Variants in CTBP2 observed in about 807,000 individuals in gnomAD.
The protein encoded by CTBP2 is C-terminal binding protein 2.
In CTBP2, 30 loss-of-function variants were observed where a neutral mutation model predicts 80.3. That is an observed-to-expected ratio of 0.37 (90% CI 0.28 to 0.51). The LOEUF (loss-of-function observed/expected upper bound fraction) is 0.51. CTBP2 is among the 20% of genes least tolerant of loss of function. The pLI is 0.93. For synonymous variants in CTBP2, 594 were observed against 587.4 expected (o/e 1.01, Z -0.16); for missense variants, 1,212 against 1,375.3 (o/e 0.88, Z 1.88).
intron 2 of CTBP2, among the ~76,000 whole-genome samples, chr10:125,046,144 G>A (rs772971706): frequency 1.3e-5 from 2 of 152,102 alleles, no homozygotes; most frequent in African/African-American, 2.4e-5. Flanking sequence ...TGCCAGAACA[G>A]ATAATCATAC....
chr10:125,148,115 T>C (rs1450658555), intron 1 of CTBP2, among the ~76,000 whole-genome samples: 2 of 152,162 alleles, frequency 1.3e-5, no homozygotes, highest in East Asian at 3.9e-4. Context: ...GTTTTGCCTC[T>C]ACTAAGCTCT....
intron 1 of CTBP2, among the ~76,000 whole-genome samples, chr10:125,005,023 C>T (rs552715959): frequency 6.6e-6 from 1 of 152,296 alleles, no homozygotes; most frequent in African/African-American, 2.4e-5. Flanking sequence ...ACCACCAAGG[C>T]TCATATTCCG....
chr10:125,077,382 G>A lies in CTBP2; in HGVS notation c.-102+33608C>T, dbSNP rs556223541. Among the ~76,000 whole-genome samples, 3 of 152,268 alleles carry A rather than the reference G, an allele frequency of 2.0e-5. No individual in the cohort carries two copies. In the East Asian group the frequency reaches 5.8e-4, roughly 29 times the overall value. ...GCAGAGTTGGTTTCTGACATCAGCA[G>A]GGATAAGGCGGCACCTGTTGGGGAT... On this transcript the variant is annotated intron_variant, in intron 2 of 10. Coordinates refer to the CTBP2 transcript ENST00000337195.
chr10:125,132,362 A>G (rs745947211), intron 1 of CTBP2, among the ~76,000 whole-genome samples: 16 of 152,338 alleles, frequency 1.1e-4, no homozygotes, highest in Middle Eastern at 3.4e-3. Context: ...TTGAGTCCAG[A>G]GATGTTAAAG....
At chr10:125,071,795 C>T (rs1298065965) in intron 2 of CTBP2, among the ~76,000 whole-genome samples, 1 of 152,082 alleles carries the variant, frequency 6.6e-6, no homozygotes, top group Non-Finnish European at 1.5e-5. Flanking sequence ...AAATGCGTAC[C>T]ACCACCCCCA....
At chr10:125,103,817 C>A (rs1314720341) in intron 2 of CTBP2, among the ~76,000 whole-genome samples, 1 of 152,100 alleles carries the variant, frequency 6.6e-6, no homozygotes, top group Non-Finnish European at 1.5e-5. Context: ...CGAGCTTCCC[C>A]CAGGAAAGGG....
At chr10:125,090,184 GT>G (rs1304400711) in intron 2 of CTBP2, among the ~76,000 whole-genome samples, 2 of 150,760 alleles carry the variant, frequency 1.3e-5, no homozygotes, top group African/African-American at 4.9e-5. Flanking sequence ...GCCAGACACG[GT>G]GGCTCACACC....
intron 1 of CTBP2, among the ~76,000 whole-genome samples, chr10:125,136,864 G>GT (rs1162690361): frequency 1.3e-5 from 2 of 152,150 alleles, no homozygotes; most frequent in Non-Finnish European, 2.9e-5. Context: ...TCCCAAAATG[G>GT]TAACAGGATG....
intron 2 of CTBP2, among the ~76,000 whole-genome samples, chr10:125,090,285 C>CAAA (rs56714830): frequency 2.0e-4 from 13 of 65,434 alleles, no homozygotes; most frequent in African/African-American, 6.2e-4. Flanking sequence ...GTCCCTGGCT[C>CAAA]AAAAAAAAAA....
intron 1 of CTBP2, among the ~76,000 whole-genome samples, chr10:125,013,409 G>GC (rs1565094105): frequency 1.3e-5 from 2 of 152,150 alleles, no homozygotes; most frequent in East Asian, 3.9e-4. Flanking sequence ...AAATAGTCTC[G>GC]TGCGGGCACC....
rs1262709663 is a variant in CTBP2 at position 125,026,913 on chromosome 10, G to T, written c.847C>A (p.Pro283Thr). The T allele has an allele frequency of 6.2e-7, 1 of 1,613,918 alleles. No individual in the cohort carries two copies. Among genetic ancestry groups the T allele is most frequent in the Non-Finnish European group, 8.5e-7 (1 of 1,180,024 alleles). ...GGGAGCACGGTCCTCTTGCCACCAG[G>T]ACCCTGGAAGGTGGACAGGTCAGCT... Residue 283 changes from proline (P) to threonine (T), a missense_variant, in exon 1 of 9, where the codon CCT becomes ACT. By Grantham distance (38) the Pro-to-Thr change is conservative. Around this residue, in one of 3 missense-constraint regions of CTBP2, gnomAD observed 848 missense variants for 782.3 expected, o/e 1.08. Coordinates refer to ENST00000309035, the MANE Select transcript of CTBP2 (RefSeq NM_022802.3).
At chr10:125,033,658 ACTACGGATG>A (rs757649681) in intron 3 of CTBP2, among the ~76,000 whole-genome samples, 11 of 152,078 alleles carry the variant, frequency 7.2e-5, no homozygotes, top group Admixed American at 2.0e-4. Context: ...AAACACGGAG[ACTACGGATG>A]CACTGTTCCC....
At chr10:125,138,386 T>C (rs1285389693) in intron 1 of CTBP2, 1 of 152,144 alleles carries the variant, frequency 6.6e-6, no homozygotes, top group African/African-American at 2.4e-5. Context: ...GAAAGGCAAC[T>C]GTTTGAAACT....
intron 1 of CTBP2, among the ~76,000 whole-genome samples, chr10:125,021,784 T>C (rs73375125): frequency 0.052 from 7,865 of 152,242 alleles, 295 homozygotes; most frequent in African/African-American, 0.093. Flanking sequence ...ACCCAATGAC[T>C]GATCAAGTAC....
At chr10:125,150,646 C>CTG (rs954387929) in intron 1 of CTBP2, among the ~76,000 whole-genome samples, 5 of 151,718 alleles carry the variant, frequency 3.3e-5, no homozygotes, top group African/African-American at 1.2e-4. Flanking sequence ...TAACTATCAC[C>CTG]TGTGCCTCTG....
At chr10:125,014,631 G>C (rs977423701) in intron 1 of CTBP2, among the ~76,000 whole-genome samples, 1 of 152,248 alleles carries the variant, frequency 6.6e-6, no homozygotes, top group Non-Finnish European at 1.5e-5. Context: ...CTGTGCCTCA[G>C]ATGCCTGAGC....
rs138995471 is a variant in CTBP2 at position 125,149,561 on chromosome 10, G to A, written c.-206+10758C>T. On this transcript the variant is annotated intron_variant, in intron 1 of 10. Coordinates refer to the CTBP2 transcript ENST00000337195. Reference sequence around the variant, plus strand: ...CCAAAGGCCAAGATGGAGGCGGGGGGCACCCAACATCCACACCACCCCCGG... The same window carrying A: ...CCAAAGGCCAAGATGGAGGCGGGGGACACCCAACATCCACACCACCCCCGG... 6.4e-3 allele frequency among the ~76,000 whole-genome samples: 980 copies of A among 152,158 alleles called. 22 individuals are homozygous for A. Among genetic ancestry groups the A allele is most frequent in the Admixed American group, 0.043 (662 of 15,284 alleles).
chr10:125,130,027 C>T (rs1855890341), intron 1 of CTBP2, among the ~76,000 whole-genome samples: 1 of 145,522 alleles, frequency 6.9e-6, no homozygotes, highest in Admixed American at 7.2e-5. Flanking sequence ...AGGTATAGCC[C>T]ACAGGATTTC....
At chr10:125,128,594 G>A (rs952108368) in intron 1 of CTBP2, among the ~76,000 whole-genome samples, 1 of 152,188 alleles carries the variant, frequency 6.6e-6, no homozygotes, top group African/African-American at 2.4e-5. Context: ...CTAGTAGGGA[G>A]GTGGGGGTCA....
Sources: allele counts gnomAD v4.1 joint callset (sites outside exome capture counted in the v4.1 genomes callset), GRCh38; gene constraint gnomAD v4.1.1; regional missense constraint gnomAD v4.1.1; transcripts MANE v1.5; gene names NCBI Gene and HGNC (gene_info 2026-07-23, HGNC 2026-07-21).